Variants in WIF1 observed in about 807,000 individuals in gnomAD.
WIF1 encodes Wnt inhibitory factor 1.
In WIF1, 35 loss-of-function variants were observed where a neutral mutation model predicts 53.5. That is an observed-to-expected ratio of 0.65 (90% CI 0.50 to 0.87). WIF1 has a LOEUF of 0.87. Ranked by LOEUF, WIF1 falls within the 40% of genes least tolerant of loss-of-function variation. WIF1 has a pLI of 0.00. For missense variants in WIF1, 467 were observed against 476.8 expected, an observed-to-expected ratio of 0.98 and a Z score of 0.19; for synonymous variants, 171 against 170.4, an observed-to-expected ratio of 1.00 and a Z score of -0.03.
chr12:65,114,416 C>CT (rs1883478944), intron 2 of WIF1, among the ~76,000 whole-genome samples: 1 of 152,224 alleles, frequency 6.6e-6, no homozygotes, highest in South Asian at 2.1e-4. Flanking sequence ...TCTGTTTTCC[C>CT]TTTTTTCCAG....
intron 2 of WIF1, among the ~76,000 whole-genome samples, chr12:65,112,007 TCC>T (rs71894433): frequency 0.1 from 15,818 of 152,210 alleles, 1,062 homozygotes; most frequent in Non-Finnish European, 0.15. Flanking sequence ...AGGACAGACA[TCC>T]ATATGTCTAG....
Position 65,055,165 on chromosome 12 carries a change from T to A in WIF1, c.971A>T (p.Asn324Ile). 1 of 1,614,222 alleles carries A rather than the reference T, an allele frequency of 6.2e-7. No homozygotes were observed. The highest frequency in any genetic ancestry group is 8.5e-7 in the Non-Finnish European group (1 of 1,180,018). The change falls in exon 9 of 10, where the codon AAC becomes ATC. Residue 324 changes from asparagine to isoleucine, a missense_variant. Coordinates refer to ENST00000286574, the MANE Select transcript of WIF1 (RefSeq NM_007191.5). ...CGAHGTCHEP[N>I]KCQCQEGWHG... ...CCAACCTTCTTGACATTGGCATTTG[T>A]TGGGTTCATGGCAGGTTCCATGTGC...
chr12:65,073,899 T>C (rs571875599), intron 3 of WIF1, among the ~76,000 whole-genome samples: 1 of 152,254 alleles, frequency 6.6e-6, no homozygotes, highest in South Asian at 2.1e-4. Context: ...GAGGGAGTTG[T>C]ATATGCAAAG....
chr12:65,110,697 T>A (rs1343541708), intron 2 of WIF1, among the ~76,000 whole-genome samples: 1 of 150,646 alleles, frequency 6.6e-6, no homozygotes, highest in Non-Finnish European at 1.5e-5. Context: ...CAACAAATAA[T>A]TTTCAGCTGC....
intron 2 of WIF1, among the ~76,000 whole-genome samples, chr12:65,085,152 G>A (rs1883015727): frequency 6.6e-6 from 1 of 152,140 alleles, no homozygotes; most frequent in Non-Finnish European, 1.5e-5. Context: ...ATTACAGGAT[G>A]TAATTGTGCT....
chr12:65,090,193 C>G (rs1883102166), intron 2 of WIF1, among the ~76,000 whole-genome samples: 1 of 152,142 alleles, frequency 6.6e-6, no homozygotes. Context: ...CCAGAGCTGG[C>G]TCTTGAAGGG....
At chr12:65,053,450 T>A (rs1268887596) in intron 9 of WIF1, among the ~76,000 whole-genome samples, 1 of 152,180 alleles carries the variant, frequency 6.6e-6, no homozygotes, top group Admixed American at 6.5e-5. Context: ...GTTCTCCTGA[T>A]AGTGAGCGAG....
At chr12:65,095,055 C>T (rs1883183135) in intron 2 of WIF1, among the ~76,000 whole-genome samples, 1 of 151,792 alleles carries the variant, frequency 6.6e-6, no homozygotes, top group East Asian at 1.9e-4. Flanking sequence ...ACCTCAACCT[C>T]TGCAGTGGCT....
intron 6 of WIF1, among the ~76,000 whole-genome samples, chr12:65,064,154 C>G (rs1882653672): frequency 6.6e-6 from 1 of 152,196 alleles, no homozygotes; most frequent in Non-Finnish European, 1.5e-5. Flanking sequence ...GGATCAGTAC[C>G]CACTTGGCCC....
intron 3 of WIF1, among the ~76,000 whole-genome samples, chr12:65,071,713 C>A (rs1265685147): frequency 6.6e-6 from 1 of 152,160 alleles, no homozygotes; most frequent in African/African-American, 2.4e-5. Flanking sequence ...GTTTTACCTG[C>A]ACATTTCTAC....
intron 2 of WIF1, among the ~76,000 whole-genome samples, chr12:65,110,629 C>T (rs1325231414): frequency 6.6e-6 from 1 of 152,068 alleles, no homozygotes; most frequent in African/African-American, 2.4e-5. Context: ...TCGTCTGTGC[C>T]TCCGTTGCCT....
chr12:65,073,242 C>A (rs1448043786), intron 3 of WIF1, among the ~76,000 whole-genome samples: 1 of 152,210 alleles, frequency 6.6e-6, no homozygotes. Context: ...GCCATTCATT[C>A]TCTTACCAAA....
intron 2 of WIF1, among the ~76,000 whole-genome samples, chr12:65,079,688 T>C (rs1346091667): frequency 6.7e-6 from 1 of 149,556 alleles, no homozygotes; most frequent in Non-Finnish European, 1.5e-5. Flanking sequence ...TGCTTAGAAA[T>C]AAAGAACAAT....
intron 2 of WIF1, among the ~76,000 whole-genome samples, chr12:65,113,572 G>T (rs889361684): frequency 5.9e-5 from 9 of 151,784 alleles, no homozygotes; most frequent in African/African-American, 1.9e-4. Flanking sequence ...AAGGTACCTT[G>T]TAACTCATCT....
At chr12:65,057,354 G>A (rs183047551) in intron 7 of WIF1, among the ~76,000 whole-genome samples, 6 of 152,278 alleles carry the variant, frequency 3.9e-5, no homozygotes, top group African/African-American at 9.6e-5. Context: ...GCTTTTCACA[G>A]ATCTTTGAAT....
chr12:65,074,605 G>C (rs1196010349), intron 3 of WIF1, among the ~76,000 whole-genome samples: 1 of 151,786 alleles, frequency 6.6e-6, no homozygotes, highest in Admixed American at 6.6e-5. Flanking sequence ...ATCACTTGAG[G>C]TCAGGAGTTC....
rs199933100 is a variant in WIF1 at position 65,120,472 on chromosome 12, G to C, written c.233C>G (p.Pro78Arg). 6.2e-7 allele frequency: 1 copy of C among 1,614,120 alleles called. No homozygotes were observed. Among genetic ancestry groups the C allele is most frequent in the Non-Finnish European group, 8.5e-7 (1 of 1,180,016 alleles). ...GGAATGGATATTGACAGGAATAGCTGGCATTCTCTGTTGTGCTTTTCTGAA... is the reference window on the plus strand; with the variant it reads ...GGAATGGATATTGACAGGAATAGCTCGCATTCTCTGTTGTGCTTTTCTGAA... ...HDFRKAQQRM[P>R]AIPVNIHSMN... is the part of the protein sequence containing the mutation. The change falls in exon 2 of 10, where the codon CCA (proline) becomes CGA (arginine). Residue 78 changes from proline (P) to arginine (R), a missense_variant. Pro to Arg is a moderately radical substitution (Grantham distance 103, BLOSUM62 -2). Coordinates refer to ENST00000286574, the MANE Select transcript of WIF1 (RefSeq NM_007191.5).
In WIF1 at chr12:65,076,538, A is replaced by G. The variant is rs550543408; in HGVS notation, c.397+1208T>C. Among the ~76,000 whole-genome samples the G allele has an allele frequency of 2.3e-4, 35 of 152,308 alleles. 1 individual carries two copies. The highest frequency in any genetic ancestry group is 4.1e-4 in the Non-Finnish European group (28 of 68,024). ...CTCATAGTTCCTATCATTTGACACA[A>G]TAATTCAACTTTTAGGAATCGATTT... On this transcript the variant is annotated intron_variant, in intron 3 of 9. Transcript: ENST00000286574.
chr12:65,062,769 T>C (rs907835641), intron 6 of WIF1, among the ~76,000 whole-genome samples, 193 bp from the exon 7 acceptor site: 2 of 152,110 alleles, frequency 1.3e-5, no homozygotes, highest in South Asian at 2.1e-4. Flanking sequence ...CAGAACATAA[T>C]AGGAGACCAC....
Sources: allele counts gnomAD v4.1 joint callset (sites outside exome capture counted in the v4.1 genomes callset), GRCh38; gene constraint gnomAD v4.1.1; transcripts MANE v1.5; gene names NCBI Gene and HGNC (gene_info 2026-07-23, HGNC 2026-07-21).